Variants in MARCHF5 observed in about 807,000 individuals in gnomAD.
The protein encoded by MARCHF5 is membrane associated ring-CH-type finger 5.
In MARCHF5, 5 loss-of-function variants were observed where a neutral mutation model predicts 36.5. The ratio of observed to expected loss-of-function variants is 0.14; its 90% CI spans 0.07 to 0.29. The LOEUF (loss-of-function observed/expected upper bound fraction) is 0.29. Among genes scored for constraint, MARCHF5 ranks in the 10% least tolerant of loss-of-function variants. The pLI, the probability that MARCHF5 is intolerant of heterozygous loss-of-function variation, is 1.00. For synonymous variants in MARCHF5, 103 were observed against 109.9 expected (o/e 0.94, Z 0.39); for missense variants, 179 against 336.3 (o/e 0.53, Z 3.66).
intron 1 of MARCHF5, among the ~76,000 whole-genome samples, chr10:92,307,507 C>T (rs1273206665): frequency 6.6e-6 from 1 of 152,094 alleles, no homozygotes; most frequent in East Asian, 1.9e-4. Context: ...AGGAGAATTG[C>T]TTGAGCCCAG....
intron 1 of MARCHF5, among the ~76,000 whole-genome samples, chr10:92,296,835 A>G (rs1031078871): frequency 2.0e-5 from 3 of 152,104 alleles, no homozygotes; most frequent in Admixed American, 1.3e-4. Context: ...ACAGATGTAT[A>G]CCCCTTTGAA....
chr10:92,322,496 G>C (rs1430183100), intron 2 of MARCHF5, among the ~76,000 whole-genome samples: 2 of 145,346 alleles, frequency 1.4e-5, no homozygotes, highest in Non-Finnish European at 3.0e-5. Flanking sequence ...CTGGGATGCA[G>C]TGGCACAATC....
intron 3 of MARCHF5, among the ~76,000 whole-genome samples, chr10:92,347,530 T>TAG (rs779294324): frequency 0.046 from 3,538 of 76,650 alleles, 180 homozygotes; most frequent in East Asian, 0.068. Flanking sequence ...AGATGATAGA[T>TAG]ATATAGATAG....
chr10:92,324,506 C>T (rs1298889038), intron 2 of MARCHF5, among the ~76,000 whole-genome samples: 11 of 152,110 alleles, frequency 7.2e-5, no homozygotes, highest in Admixed American at 3.9e-4. Context: ...GGACTACAGG[C>T]GCCTGCTACC....
chr10:92,306,562 A>G (rs551909073), intron 1 of MARCHF5, among the ~76,000 whole-genome samples: 1 of 152,342 alleles, frequency 6.6e-6, no homozygotes, highest in South Asian at 2.1e-4. Flanking sequence ...TTATAAATGA[A>G]TCATTTTCAA....
intron 1 of MARCHF5, among the ~76,000 whole-genome samples, chr10:92,301,281 A>G (rs1292698111): frequency 6.6e-6 from 1 of 152,240 alleles, no homozygotes; most frequent in Non-Finnish European, 1.5e-5. Flanking sequence ...TCTCTGGAGG[A>G]AGCACATTAT....
intron 1 of MARCHF5, among the ~76,000 whole-genome samples, chr10:92,300,536 C>T (rs756151607): frequency 2.0e-5 from 3 of 151,994 alleles, no homozygotes; most frequent in Non-Finnish European, 2.9e-5. Flanking sequence ...GCCTGTCCTT[C>T]AGGACACTCA....
rs537960400 is a variant in MARCHF5 at position 92,322,035 on chromosome 10, G to A, written c.238+10698G>A. ...CGAGGCGGGCGGATCACCTGAGGTC[G>A]GGAGTTCAAGACCAGCCTGACCAAC... On this transcript the variant is annotated intron_variant, in intron 2 of 5. Transcript: ENST00000358935. Among the ~76,000 whole-genome samples, 336 of 151,298 alleles carry A rather than the reference G, an allele frequency of 2.2e-3. 1 individual carries two copies. Among genetic ancestry groups the A allele is most frequent in the African/African-American group, 7.8e-3 (321 of 41,146 alleles).
chr10:92,291,373 G>GTGACGGGT lies in MARCHF5; in HGVS notation c.-120_-113dup. ...TAGCGGAGCTGCCCCGGGAAGCTGGGTGACGGGTTCGCGGCTGCCGCCGGA... is the reference window on the plus strand; with the variant it reads ...TAGCGGAGCTGCCCCGGGAAGCTGGGTGACGGGTTGACGGGTTCGCGGCTGCCGCCGGA... On this transcript the variant is annotated 5_prime_UTR_variant, in exon 1 of 6. It introduces an in-frame stop codon into an upstream open reading frame of the 5' UTR. Coordinates refer to ENST00000358935, the MANE Select transcript of MARCHF5 (RefSeq NM_017824.5). 1.1e-6 allele frequency: 1 copy of GTGACGGGT among 888,372 alleles called. No homozygotes were observed. Among genetic ancestry groups the GTGACGGGT allele is most frequent in the Non-Finnish European group, 1.8e-6 (1 of 556,514 alleles). 55.0% of individuals were successfully genotyped at this position (888,372 alleles called of 1,614,324 possible).
intron 3 of MARCHF5, among the ~76,000 whole-genome samples, chr10:92,345,022 T>A (rs992437902): frequency 2.6e-5 from 4 of 152,174 alleles, no homozygotes; most frequent in Non-Finnish European, 4.4e-5. Flanking sequence ...AAGTGAAGCC[T>A]GGTCCCAGAG....
chr10:92,298,798 AG>A (rs1842977511), intron 1 of MARCHF5, among the ~76,000 whole-genome samples: 1 of 152,096 alleles, frequency 6.6e-6, no homozygotes, highest in African/African-American at 2.4e-5. Flanking sequence ...CCTGAGCTTA[AG>A]TGACCCTCCT....
At chr10:92,303,646 G>A (rs911625672) in intron 1 of MARCHF5, among the ~76,000 whole-genome samples, 22 of 152,042 alleles carry the variant, frequency 1.4e-4, no homozygotes, top group African/African-American at 5.3e-4. Context: ...GGATTTAGGA[G>A]GAGATCTTGA....
chr10:92,347,136 G>A (rs1025017205), intron 3 of MARCHF5, among the ~76,000 whole-genome samples: 1 of 151,906 alleles, frequency 6.6e-6, no homozygotes, highest in East Asian at 1.9e-4. Flanking sequence ...TTGAGCCCAG[G>A]AGTACAAAGC....
At chr10:92,331,900 CATATATAT>C (rs1843440097) in intron 2 of MARCHF5, among the ~76,000 whole-genome samples, 11 of 144,036 alleles carry the variant, frequency 7.6e-5, no homozygotes, top group South Asian at 2.1e-4. Flanking sequence ...TATATATAAT[CATATATAT>C]GTATATATAA....
chr10:92,298,296 T>C (rs1842971702), intron 1 of MARCHF5, among the ~76,000 whole-genome samples: 1 of 152,232 alleles, frequency 6.6e-6, no homozygotes, highest in Non-Finnish European at 1.5e-5. Flanking sequence ...AATTTCTATG[T>C]ATGGTTCAAT....
chr10:92,331,347 A>C (rs1843433752), intron 2 of MARCHF5, among the ~76,000 whole-genome samples: 1 of 152,086 alleles, frequency 6.6e-6, no homozygotes, highest in South Asian at 2.1e-4. Context: ...AGAGACTTCA[A>C]GTTTAGGTCA....
intron 2 of MARCHF5, among the ~76,000 whole-genome samples, chr10:92,338,925 A>C (rs1287698984): frequency 6.6e-6 from 1 of 152,138 alleles, no homozygotes; most frequent in Non-Finnish European, 1.5e-5. Flanking sequence ...CACACCTGTA[A>C]TCTCAGTTAC....
chr10:92,349,606 ATGTTTGAAGG>A, intron 4 of MARCHF5, 55 bp from the exon 5 acceptor site: 1 of 1,596,218 alleles, frequency 6.3e-7, no homozygotes, highest in Non-Finnish European at 8.5e-7. Flanking sequence ...TTTTTTAGCC[ATGTTTGAAGG>A]TAGTCTAACT....
intron 1 of MARCHF5, among the ~76,000 whole-genome samples, chr10:92,300,847 T>C (rs1387698486): frequency 1.3e-5 from 2 of 152,130 alleles, no homozygotes; most frequent in East Asian, 1.9e-4. Flanking sequence ...TTTTCTCTTC[T>C]TCTCCAGACT....
Sources: gnomAD v4.1 joint callset for allele counts (sites outside exome capture counted in the v4.1 genomes callset) on GRCh38, gnomAD v4.1.1 for gene constraint, MANE v1.5 for transcripts, NCBI Gene and HGNC (gene_info 2026-07-23, HGNC 2026-07-21) for gene names.